AP1G1: variants seen among roughly 807,000 people sequenced by gnomAD.
AP1G1 encodes the protein adaptor related protein complex 1 subunit gamma 1, also known as AP-1 complex subunit gamma-1.
Under a neutral mutation model 108.3 loss-of-function variants are expected in AP1G1, and 7 were observed. That is an observed-to-expected ratio of 0.06 (90% CI 0.04 to 0.12). The LOEUF (loss-of-function observed/expected upper bound fraction) is 0.12. Among genes scored for constraint, AP1G1 ranks in the 10% least tolerant of loss-of-function variants. The pLI is 1.00. For missense variants in AP1G1, 756 were observed against 1,010.7 expected (o/e 0.75, Z 3.42); for synonymous variants, 379 against 353.5 (o/e 1.07, Z -0.81).
rs1331531406 is a variant in AP1G1 at position 71,765,492 on chromosome 16, C to T, written c.735G>A (p.Leu245=). The T allele has an allele frequency of 2.5e-6, 4 of 1,609,250 alleles. No individual in the cohort carries two copies. Among genetic ancestry groups the T allele is most frequent in the Middle Eastern group, 3.3e-4 (2 of 6,054 alleles). The change falls in exon 7 of 23, where the codon TTG becomes TTA. Residue 245 remains leucine (L), a synonymous_variant. Transcript: ENST00000299980. ...TAAAACGTTCTTTCAACCTCACCTG[C>T]AAAAAGGGGTCACTGATACCAGAAA... ...HDVSGISDPF[L]QVRILRLLRI...
At chr16:71,735,289 C>T (rs148831893) in intron 21 of AP1G1, among the ~76,000 whole-genome samples, 223 of 152,334 alleles carry the variant, frequency 1.5e-3, no homozygotes, top group Admixed American at 2.1e-3. Flanking sequence ...CCAGCCTATA[C>T]AGCAAAAGAC....
intron 10 of AP1G1, among the ~76,000 whole-genome samples, chr16:71,760,310 A>G (rs935024967): frequency 6.6e-6 from 1 of 151,180 alleles, no homozygotes; most frequent in Non-Finnish European, 1.5e-5. Flanking sequence ...CAGGAGGACA[A>G]GGTGGGCTGA....
chr16:71,798,603 C>T (rs1295097101), intron 1 of AP1G1, among the ~76,000 whole-genome samples: 2 of 150,908 alleles, frequency 1.3e-5, no homozygotes, highest in African/African-American at 4.9e-5. Flanking sequence ...ATAAATGAGG[C>T]CGGGCGTGGT....
chr16:71,787,741 T>C (rs942847735), intron 2 of AP1G1, among the ~76,000 whole-genome samples: 1 of 152,176 alleles, frequency 6.6e-6, no homozygotes, highest in African/African-American at 2.4e-5. Context: ...GATAACCACC[T>C]GGATCAATTT....
chr16:71,800,410 G>A (rs532006896), intron 1 of AP1G1, among the ~76,000 whole-genome samples: 16 of 150,818 alleles, frequency 1.1e-4, no homozygotes, highest in Middle Eastern at 3.4e-3. Context: ...GGCCAGGCAC[G>A]GTGGCTCACA....
At chr16:71,808,207 C>CAAAT (rs981795076) in intron 1 of AP1G1, 3 of 1,127,518 alleles carry the variant, frequency 2.7e-6, no homozygotes, top group African/African-American at 3.3e-5. Flanking sequence ...AAAACAACAA[C>CAAAT]ATATACACAC....
intron 1 of AP1G1, among the ~76,000 whole-genome samples, chr16:71,798,058 G>A (rs1387249500): frequency 2.6e-5 from 4 of 152,080 alleles, no homozygotes; most frequent in African/African-American, 9.7e-5. Context: ...GGAACTATAC[G>A]AAAAAAACTA....
At chr16:71,786,140 A>G (rs2032195828) in intron 2 of AP1G1, among the ~76,000 whole-genome samples, 1 of 152,216 alleles carries the variant, frequency 6.6e-6, no homozygotes, top group African/African-American at 2.4e-5. Flanking sequence ...AGTTTTCTCG[A>G]GCATTTACTT....
chr16:71,774,224 A>T (rs1254187244), intron 3 of AP1G1: 2 of 408,082 alleles, frequency 4.9e-6, no homozygotes. Flanking sequence ...CTAAAAATAC[A>T]AAAATTAGCC....
At chr16:71,793,719 C>T (rs1337860982) in intron 1 of AP1G1, among the ~76,000 whole-genome samples, 1 of 152,130 alleles carries the variant, frequency 6.6e-6, no homozygotes, top group Non-Finnish European at 1.5e-5. Context: ...GGGTCTCACT[C>T]TGCCACCCAG....
chr16:71,756,314 G>A, intron 11 of AP1G1, 155 bp from the exon 12 acceptor site: 1 of 587,724 alleles, frequency 1.7e-6, no homozygotes. Context: ...AAATAACCAA[G>A]GAGATGTATT....
At chr16:71,741,607 T>C (rs527741345) in intron 19 of AP1G1, among the ~76,000 whole-genome samples, 13 of 152,122 alleles carry the variant, frequency 8.5e-5, no homozygotes, top group African/African-American at 2.9e-4. Flanking sequence ...GTAAATGACA[T>C]ATTAAAAATT....
chr16:71,771,331 C>A, intron 4 of AP1G1, 79 bp from the exon 5 acceptor site: 1 of 786,754 alleles, frequency 1.3e-6, no homozygotes, highest in Non-Finnish European at 1.9e-6. Flanking sequence ...AAACCACCAA[C>A]ACAAAAATCT....
chr16:71,761,928 T>A (rs2031107368), intron 9 of AP1G1, among the ~76,000 whole-genome samples: 1 of 151,754 alleles, frequency 6.6e-6, no homozygotes, highest in South Asian at 2.1e-4. Flanking sequence ...GTTTTGTCAG[T>A]GGAAGAATAA....
In AP1G1 at chr16:71,729,044, A is replaced by G. The variant is rs981128859; in HGVS notation, c.*4014T>C. Reference sequence around the variant, plus strand: ...GACTTTTTATTATTAGTCACTGTTCATAATTTGTTTCAACCAAAAGACAGT... The same window carrying G: ...GACTTTTTATTATTAGTCACTGTTCGTAATTTGTTTCAACCAAAAGACAGT... On this transcript the variant is annotated 3_prime_UTR_variant, in exon 23 of 23. Transcript: ENST00000299980. The G allele has an allele frequency of 1.3e-5, 2 of 152,636 alleles. No individual in the cohort carries two copies. Among genetic ancestry groups the G allele is most frequent in the African/African-American group, 2.4e-5 (1 of 41,464 alleles). The allele number at this position is 152,636 out of a possible 1,614,324, so 9.5% of individuals were successfully genotyped here.
At chr16:71,755,431 T>C (rs1326740999) in intron 12 of AP1G1, among the ~76,000 whole-genome samples, 2 of 151,872 alleles carry the variant, frequency 1.3e-5, no homozygotes, top group Non-Finnish European at 2.9e-5. Flanking sequence ...AGTGAGACCC[T>C]GTCTCAAAAA....
At chr16:71,773,493 A>C (rs1176643804) in intron 3 of AP1G1, 131 bp from the exon 4 acceptor site, 1 of 934,012 alleles carries the variant, frequency 1.1e-6, no homozygotes, top group African/African-American at 1.7e-5. Context: ...TGTTGCAGAA[A>C]ATGTTTATCC....
At chr16:71,787,813 A>G (rs2032262018) in intron 2 of AP1G1, among the ~76,000 whole-genome samples, 2 of 152,154 alleles carry the variant, frequency 1.3e-5, no homozygotes, top group East Asian at 3.9e-4. Flanking sequence ...CACTCCTAAC[A>G]CTCTACGAAT....
intron 16 of AP1G1, among the ~76,000 whole-genome samples, chr16:71,747,955 C>G (rs745673522): frequency 6.6e-6 from 1 of 152,230 alleles, no homozygotes; most frequent in Non-Finnish European, 1.5e-5. Flanking sequence ...TGCACCCCAT[C>G]CTGGGTAAGA....
Sources: allele counts gnomAD v4.1 joint callset (sites outside exome capture counted in the v4.1 genomes callset), GRCh38; gene constraint gnomAD v4.1.1; transcripts MANE v1.5; gene names NCBI Gene and HGNC (gene_info 2026-07-23, HGNC 2026-07-21).